The following EXT1 variants were observed in gnomAD, a reference collection of about 807,000 sequenced individuals.
EXT1 encodes exostosin-1.
EXT1 carries 20 observed loss-of-function variants against 82.5 expected under a neutral mutation model. The observed-to-expected ratio is 0.24, with a 90% CI of 0.17 to 0.35. The LOEUF (loss-of-function observed/expected upper bound fraction) is 0.35, where lower values mean the gene tolerates loss of function less well. Among genes scored for constraint, EXT1 ranks in the 10% least tolerant of loss-of-function variants. The pLI is 1.00. For missense variants in EXT1, 757 were observed against 936.5 expected, an observed-to-expected ratio of 0.81 and a Z score of 2.50; for synonymous variants, 348 against 350.8, an observed-to-expected ratio of 0.99 and a Z score of 0.09.
intron 3 of EXT1, among the ~76,000 whole-genome samples, chr8:117,833,110 G>C (rs1290081899): frequency 6.6e-6 from 1 of 152,116 alleles, no homozygotes; most frequent in Non-Finnish European, 1.5e-5. Context: ...CAGACATTTG[G>C]GCTGGGTGCC....
At chr8:118,051,297 C>A (rs1398924000) in intron 1 of EXT1, among the ~76,000 whole-genome samples, 1 of 152,120 alleles carries the variant, frequency 6.6e-6, no homozygotes, top group African/African-American at 2.4e-5. Flanking sequence ...ATGATGGTAC[C>A]ACTGCACACC....
In EXT1 at chr8:118,052,852, G is replaced by A. The variant is rs967375315; in HGVS notation, c.962+57233C>T. Among the ~76,000 whole-genome samples, 4 of 152,174 alleles carry A rather than the reference G, an allele frequency of 2.6e-5. 1 individual carries two copies. Among genetic ancestry groups the A allele is most frequent in the African/African-American group, 9.7e-5 (4 of 41,446 alleles). ...CAACACAAGAGCTTACAAATAATCT[G>A]CCTTCCCCAAGGTACATGGCTCCAG... On this transcript the variant is annotated intron_variant, in intron 1 of 10. Transcript: ENST00000378204.
intron 2 of EXT1, among the ~76,000 whole-genome samples, chr8:117,836,570 G>C (rs1432067527): frequency 6.6e-6 from 1 of 152,192 alleles, no homozygotes; most frequent in Non-Finnish European, 1.5e-5. Context: ...ACTGTCTCAA[G>C]AGGACATTTC....
intron 1 of EXT1, among the ~76,000 whole-genome samples, chr8:117,939,044 G>A (rs1038752453): frequency 3.3e-5 from 5 of 150,634 alleles, no homozygotes; most frequent in African/African-American, 1.2e-4. Context: ...TTTTCAAGCT[G>A]TTTTTTTTTC....
chr8:117,913,186 C>A (rs961535709), intron 1 of EXT1, among the ~76,000 whole-genome samples: 3 of 152,136 alleles, frequency 2.0e-5, no homozygotes, highest in Admixed American at 1.3e-4. Flanking sequence ...TGCACCACTA[C>A]CCCCAAGCCT....
chr8:118,101,189 T>C (rs1817713333), intron 1 of EXT1, among the ~76,000 whole-genome samples: 1 of 152,174 alleles, frequency 6.6e-6, no homozygotes, highest in African/African-American at 2.4e-5. Flanking sequence ...GAGACCAGTA[T>C]TATGATCCCC....
At chr8:118,067,529 G>C (rs1354673495) in intron 1 of EXT1, among the ~76,000 whole-genome samples, 1 of 152,206 alleles carries the variant, frequency 6.6e-6, no homozygotes, top group African/African-American at 2.4e-5. Flanking sequence ...GTACATAACA[G>C]AGCCTAGCTT....
At chr8:117,977,377 ACT>A (rs1815087032) in intron 1 of EXT1, among the ~76,000 whole-genome samples, 1 of 126,666 alleles carries the variant, frequency 7.9e-6, no homozygotes, top group South Asian at 2.7e-4. Context: ...ATAGAGCAAG[ACT>A]CTGTCTCAAA....
At chr8:117,926,020 AG>A (rs548130934) in intron 1 of EXT1, among the ~76,000 whole-genome samples, 50 of 152,338 alleles carry the variant, frequency 3.3e-4, no homozygotes, top group African/African-American at 1.2e-3. Flanking sequence ...CAAGACCCAA[AG>A]GGTTAAGCAA....
At chr8:118,058,338 G>T (rs760122237) in intron 1 of EXT1, among the ~76,000 whole-genome samples, 1 of 152,102 alleles carries the variant, frequency 6.6e-6, no homozygotes, top group African/African-American at 2.4e-5. Flanking sequence ...TTGAAGTACC[G>T]CCTAAAAAGC....
intron 1 of EXT1, among the ~76,000 whole-genome samples, chr8:118,044,651 C>T (rs1816591668): frequency 6.6e-6 from 1 of 152,138 alleles, no homozygotes; most frequent in South Asian, 2.1e-4. Context: ...AGGTGATCTG[C>T]CTGCCTCGGT....
chr8:117,806,603 G>A (rs553186737), intron 9 of EXT1, among the ~76,000 whole-genome samples: 48 of 152,076 alleles, frequency 3.2e-4, no homozygotes, highest in African/African-American at 9.9e-4. Flanking sequence ...ATTTATTCTC[G>A]CTGTTCTCCT....
chr8:117,923,544 C>G (rs549451682), intron 1 of EXT1, among the ~76,000 whole-genome samples: 175 of 149,274 alleles, frequency 1.2e-3, no homozygotes, highest in African/African-American at 4.2e-3. Context: ...GGTGAAACCC[C>G]ATCTCTACTA....
At chr8:117,858,712 A>AGAAGGAAGGAAGGAAG (rs564611274) in intron 1 of EXT1, among the ~76,000 whole-genome samples, 4 of 66,156 alleles carry the variant, frequency 6.0e-5, no homozygotes, top group East Asian at 4.5e-4. Context: ...AAGAAAAGAA[A>AGAAGGAAGGAAGGAAG]GAAGGAAGGA....
chr8:118,045,255 C>T (rs1816603485), intron 1 of EXT1, among the ~76,000 whole-genome samples: 1 of 152,136 alleles, frequency 6.6e-6, no homozygotes, highest in Non-Finnish European at 1.5e-5. Context: ...ATTTATTGCT[C>T]GCAGAACTGT....
At chr8:117,877,864 T>C (rs1027423723) in intron 1 of EXT1, among the ~76,000 whole-genome samples, 2 of 152,210 alleles carry the variant, frequency 1.3e-5, no homozygotes, top group African/African-American at 4.8e-5. Flanking sequence ...TGTTTTTTTC[T>C]CCCTAAAATT....
rs1351001335 is a variant in EXT1 at position 118,111,531 on chromosome 8, G to A, written c.-485C>T. On this transcript the variant is annotated 5_prime_UTR_variant, in exon 1 of 11. Transcript: ENST00000378204. ...AGAGCACTCCGGTTCCAACAAGTCA[G>A]CCGATCCCGGGTTCAGCCGGCTAGT... 3.8e-5 allele frequency: 17 copies of A among 447,180 alleles called. No individual in the cohort carries two copies. The highest frequency in any genetic ancestry group is 1.5e-4 in the Admixed American group (4 of 26,250). The allele number at this position is 447,180 out of a possible 1,614,324, so 27.7% of individuals were successfully genotyped here. A position where few individuals can be genotyped will look rare whatever the true frequency, so the allele number is the denominator to read the frequency against.
intron 1 of EXT1, among the ~76,000 whole-genome samples, chr8:118,029,575 A>G (rs1400276746): frequency 6.6e-6 from 1 of 152,196 alleles, no homozygotes. Flanking sequence ...CAAAGTAACT[A>G]ACTTCTCCAA....
chr8:117,887,199 T>C (rs186934869), intron 1 of EXT1, among the ~76,000 whole-genome samples: 187 of 152,330 alleles, frequency 1.2e-3, no homozygotes, highest in African/African-American at 4.2e-3. Flanking sequence ...AAGATATCTA[T>C]TGGCCAATTA....
Sources: gnomAD v4.1 joint callset for allele counts (sites outside exome capture counted in the v4.1 genomes callset) on GRCh38, gnomAD v4.1.1 for gene constraint, MANE v1.5 for transcripts, NCBI Gene and HGNC (gene_info 2026-07-23, HGNC 2026-07-21) for gene names.